ATP2B1: variants seen among roughly 807,000 people sequenced by gnomAD.
ATP2B1 encodes plasma membrane calcium-transporting ATPase 1.
Under a neutral mutation model 124.2 loss-of-function variants are expected in ATP2B1, and 14 were observed. The ratio of observed to expected loss-of-function variants is 0.11; its 90% CI spans 0.07 to 0.18. The LOEUF (loss-of-function observed/expected upper bound fraction) is 0.18. Ranked by LOEUF, ATP2B1 falls within the 10% of genes least tolerant of loss-of-function variation. The probability of loss-of-function intolerance (pLI) is 1.00; values close to 1 mark genes in which losing one functional copy is unlikely to be tolerated. For synonymous variants in ATP2B1, 449 were observed against 492.4 expected, an observed-to-expected ratio of 0.91 and a Z score of 1.17; for missense variants, 763 against 1,466.1, an observed-to-expected ratio of 0.52 and a Z score of 7.83.
intron 15 of ATP2B1, among the ~76,000 whole-genome samples, 177 bp from the exon 16 acceptor site, chr12:89,604,523 G>A (rs1876460888): frequency 6.6e-6 from 1 of 152,024 alleles, no homozygotes; most frequent in Admixed American, 6.6e-5. Flanking sequence ...AAGACATTCT[G>A]GTTTAGCAGA....
At chr12:89,597,159 C>T (rs1026703221) in intron 20 of ATP2B1, among the ~76,000 whole-genome samples, 6 of 151,968 alleles carry the variant, frequency 3.9e-5, no homozygotes, top group Admixed American at 2.6e-4. Flanking sequence ...GAACATTTAC[C>T]ATCTAGGGCT....
chr12:89,670,878 C>T (rs2136516386), intron 1 of ATP2B1, among the ~76,000 whole-genome samples: 1 of 150,538 alleles, frequency 6.6e-6, no homozygotes, highest in Non-Finnish European at 1.5e-5. Flanking sequence ...AAGACACATG[C>T]CCACATACAA....
At chr12:89,658,408 C>A (rs1224029885) in intron 1 of ATP2B1, among the ~76,000 whole-genome samples, 1 of 152,056 alleles carries the variant, frequency 6.6e-6, no homozygotes, top group Non-Finnish European at 1.5e-5. Context: ...GGGGCAGACC[C>A]CAAGGTTTAA....
chr12:89,639,138 A>C (rs1883123767), intron 3 of ATP2B1, among the ~76,000 whole-genome samples: 1 of 152,236 alleles, frequency 6.6e-6, no homozygotes, highest in African/African-American at 2.4e-5. Context: ...ATTCCTTTTA[A>C]GCAAGTTACC....
chr12:89,617,109 TGGCA>T, intron 11 of ATP2B1, 70 bp from the exon 12 acceptor site: 1 of 1,160,362 alleles, frequency 8.6e-7, no homozygotes, highest in East Asian at 2.4e-5. Context: ...TTAAGTGAAC[TGGCA>T]GGCCTAGAAA....
chr12:89,681,092 A>G (rs1266951226), intron 1 of ATP2B1, among the ~76,000 whole-genome samples: 2 of 152,226 alleles, frequency 1.3e-5, no homozygotes, highest in Non-Finnish European at 1.5e-5. Context: ...CAAAATGACT[A>G]ATGGCAAGCA....
intron 12 of ATP2B1, 25 bp from the exon 13 acceptor site, chr12:89,611,397 T>G (rs1469906427): frequency 2.7e-6 from 4 of 1,473,436 alleles, no homozygotes; most frequent in Non-Finnish European, 3.6e-6. Context: ...AAAAAAAAAT[T>G]ACAAAGTTAA....
rs1873480020 is a variant in ATP2B1 at position 89,591,137 on chromosome 12, A to G, written c.3510T>C (p.Asp1170=). 6.2e-7 allele frequency: 1 copy of G among 1,613,322 alleles called. No homozygotes were observed. Among genetic ancestry groups the G allele is most frequent in the Non-Finnish European group, 8.5e-7 (1 of 1,179,426 alleles). Residue 1170 remains aspartate, a synonymous_variant, in exon 21 of 21, where the codon GAT becomes GAC. Transcript: ENST00000428670. ...GACTGGAGTTACGTTTTGTAGGAGC[A>G]TCATCTTCGGCATCAGTGTCATCAA... is the stretch of plus-strand genomic sequence containing the variant. ...PLIDDTDAED[D]APTKRNSSPP...
chr12:89,698,665 A>G (rs1053580210), intron 1 of ATP2B1, among the ~76,000 whole-genome samples: 12 of 121,892 alleles, frequency 9.8e-5, no homozygotes, highest in African/African-American at 2.4e-4. Flanking sequence ...GTTTATGAGA[A>G]AAAAAGGACA....
chr12:89,600,749 A>C (rs1337988122), intron 19 of ATP2B1, among the ~76,000 whole-genome samples: 1 of 151,744 alleles, frequency 6.6e-6, no homozygotes, highest in East Asian at 1.9e-4. Flanking sequence ...CCTGGGTTCA[A>C]GCGATTCTCC....
chr12:89,627,577 TC>T, intron 7 of ATP2B1, 100 bp downstream of exon 7: 1 of 1,347,816 alleles, frequency 7.4e-7, no homozygotes, highest in South Asian at 1.2e-5. Context: ...TTGTTGATTT[TC>T]CCTGCCACAT....
At chr12:89,594,096 T>G (rs1874110162) in intron 20 of ATP2B1, 2 of 152,048 alleles carry the variant, frequency 1.3e-5, no homozygotes, top group South Asian at 4.1e-4. Flanking sequence ...CTAGGCCAGT[T>G]CAGCAATGCT....
At chr12:89,643,071 C>CACACACACACACACAA (rs1413839292) in intron 2 of ATP2B1, among the ~76,000 whole-genome samples, 5 of 150,396 alleles carry the variant, frequency 3.3e-5, no homozygotes, top group Admixed American at 2.0e-4. Flanking sequence ...TACATACACA[C>CACACACACACACACAA]ACACACACAC....
chr12:89,616,448 T>C (rs1226567731), intron 12 of ATP2B1, among the ~76,000 whole-genome samples: 1 of 152,172 alleles, frequency 6.6e-6, no homozygotes, highest in African/African-American at 2.4e-5. Flanking sequence ...AGAACATTCC[T>C]ATTATCACAG....
chr12:89,698,558 T>C (rs921828219), intron 1 of ATP2B1, among the ~76,000 whole-genome samples: 1 of 152,218 alleles, frequency 6.6e-6, no homozygotes, highest in Admixed American at 6.5e-5. Flanking sequence ...TGGTGGCGAC[T>C]GTGGAAATAT....
At position 89,643,775 on chromosome 12, in the gene ATP2B1, T is replaced by C. The variant is rs184972591; in HGVS notation, c.209-1420A>G. Among the ~76,000 whole-genome samples, 82 of 152,362 alleles carry C rather than the reference T, an allele frequency of 5.4e-4. No individual in the cohort carries two copies. The Middle Eastern group carries it at 0.01, about 19-fold the overall frequency. ...CAGTACAGACAGCAGTGACAAATGA[T>C]ATTTTTCCTTGTCTGTTTAAGAATG... On this transcript the variant is annotated intron_variant, in intron 2 of 20. Transcript: ENST00000428670.
At chr12:89,664,255 T>C (rs527319769) in intron 1 of ATP2B1, among the ~76,000 whole-genome samples, 1 of 152,310 alleles carries the variant, frequency 6.6e-6, no homozygotes, top group African/African-American at 2.4e-5. Context: ...CCTCCCTCCC[T>C]GGGGCTGTTA....
At chr12:89,703,122 A>T (rs1020965419) in intron 1 of ATP2B1, among the ~76,000 whole-genome samples, 2 of 152,224 alleles carry the variant, frequency 1.3e-5, no homozygotes, top group Non-Finnish European at 2.9e-5. Context: ...CTGCTTTGAA[A>T]TTAATTTTAT....
At chr12:89,653,931 C>T (rs965801434) in intron 2 of ATP2B1, among the ~76,000 whole-genome samples, 3 of 152,098 alleles carry the variant, frequency 2.0e-5, no homozygotes, top group Non-Finnish European at 4.4e-5. Flanking sequence ...AGGGGAAGTA[C>T]AGTTGAGTGA....
Sources: allele counts gnomAD v4.1 joint callset (sites outside exome capture counted in the v4.1 genomes callset), GRCh38; gene constraint gnomAD v4.1.1; transcripts MANE v1.5; gene names NCBI Gene and HGNC (gene_info 2026-07-23, HGNC 2026-07-21).